Variants in DHRS4 observed in about 807,000 individuals in gnomAD.
DHRS4 encodes the protein dehydrogenase/reductase 4, also known as dehydrogenase/reductase SDR family member 4.
DHRS4 carries 20 observed loss-of-function variants against 28.4 expected under a neutral mutation model. That is an observed-to-expected ratio of 0.71 (90% confidence interval 0.50 to 1.02). The LOEUF (loss-of-function observed/expected upper bound fraction) is 1.02. Among genes scored for constraint, DHRS4 ranks in the 50% least tolerant of loss-of-function variants. The pLI, the probability that DHRS4 is intolerant of heterozygous loss-of-function variation, is 0.00. For synonymous variants in DHRS4, 144 were observed against 146.4 expected, an observed-to-expected ratio of 0.98 and a Z score of 0.12; for missense variants, 378 against 367.2, an observed-to-expected ratio of 1.03 and a Z score of -0.24.
rs1043442 is a variant in DHRS4, at chr14:23,953,879, G to A, written c.91G>A (p.Ala31Thr). ...CGGGATGACCCGCCGGGACCCGCTC[G>A]CAAATAAGGTGGCCCTGGTAACGGC... is the stretch of plus-strand genomic sequence containing the variant. ...SSGMTRRDPLANKVALVTAST... is the reference protein window; with the variant it reads ...SSGMTRRDPLTNKVALVTAST... Residue 31 changes from alanine to threonine, a missense_variant, in exon 1 of 8, where the codon GCA becomes ACA. Transcript: ENST00000313250. 3.1e-6 allele frequency: 5 copies of A among 1,610,874 alleles called. No homozygotes were observed. The highest frequency in any genetic ancestry group is 2.7e-5 in the African/African-American group (2 of 74,768).
Position 23,966,301 on chromosome 14 carries a change from G to A in DHRS4, c.550G>A (p.Val184Ile), listed in dbSNP as rs781542713. 2 of 1,613,850 alleles carry A rather than the reference G, an allele frequency of 1.2e-6. No homozygotes were observed. The highest frequency in any genetic ancestry group is 1.7e-6 in the Non-Finnish European group (2 of 1,179,962). Residue 184 changes from valine (V) to isoleucine (I), a missense_variant, in exon 6 of 8, where the codon GTC (valine) becomes ATC (isoleucine). By Grantham distance (29) the Val-to-Ile change is conservative. Transcript: ENST00000313250. ...TCTCCAGGGCTTCAGTCCTTACAAT[G>A]TCAGTAAAACAGCCTTGCTGGGCCT... ...SPSPGFSPYNVSKTALLGLTK... is the reference protein window; with the variant it reads ...SPSPGFSPYNISKTALLGLTK...
At chr14:23,959,070 T>G (rs2033293631) in intron 2 of DHRS4, among the ~76,000 whole-genome samples, 1 of 152,108 alleles carries the variant, frequency 6.6e-6, no homozygotes, top group African/African-American at 2.4e-5. Flanking sequence ...AATGGTAACT[T>G]ATTCAAGGAG....
intron 2 of DHRS4, among the ~76,000 whole-genome samples, chr14:23,956,599 C>CTTTTTT (rs1229716867): frequency 8.5e-6 from 1 of 116,972 alleles, no homozygotes. Context: ...CCTCCATATC[C>CTTTTTT]TTTTTTTTTT....
At chr14:23,967,176 A>T (rs1461570425) in intron 6 of DHRS4, 35 bp from the exon 7 acceptor site, 3 of 1,593,326 alleles carry the variant, frequency 1.9e-6, no homozygotes, top group Non-Finnish European at 2.6e-6. Flanking sequence ...GAAAAAGAAA[A>T]AAAAAACATA....
Position 23,955,155 on chromosome 14 carries a change from G to C in DHRS4, c.249G>C (p.Val83=). 1.9e-6 allele frequency: 3 copies of C among 1,613,920 alleles called. No individual in the cohort carries two copies. Among genetic ancestry groups the C allele is most frequent in the Admixed American group, 3.3e-5 (2 of 60,006 alleles). ...CGCTGCAGGGGGAGGGGCTGAGCGTGACGGGCACCGTGTGCCATGTGGGGA... is the reference window on the plus strand; with the variant it reads ...CGCTGCAGGGGGAGGGGCTGAGCGTCACGGGCACCGTGTGCCATGTGGGGA... ...VATLQGEGLS[V]TGTVCHVGKA... Residue 83 remains valine (V), a synonymous_variant, in exon 2 of 8, where the codon GTG becomes GTC. Coordinates refer to ENST00000313250, the MANE Select transcript of DHRS4 (RefSeq NM_021004.4).
intron 3 of DHRS4, among the ~76,000 whole-genome samples, chr14:23,960,482 T>TC (rs1456589410): frequency 2.0e-5 from 3 of 151,962 alleles, no homozygotes; most frequent in African/African-American, 4.8e-5. Context: ...ATAACATACA[T>TC]CCTTTAAAAA....
chr14:23,954,724 C>T (rs1356564179), intron 1 of DHRS4, among the ~76,000 whole-genome samples: 7 of 152,228 alleles, frequency 4.6e-5, no homozygotes, highest in Non-Finnish European at 7.3e-5. Flanking sequence ...GTGGCTGCTG[C>T]TGCAAACCCA....
At chr14:23,956,238 T>G (rs2033140680) in intron 2 of DHRS4, among the ~76,000 whole-genome samples, 1 of 152,198 alleles carries the variant, frequency 6.6e-6, no homozygotes. Context: ...GGGGCCTTGA[T>G]CCTGATGGTG....
In DHRS4 at chr14:23,968,837, TGGTGGTG is replaced by T; in HGVS notation, c.809_815del (p.Val270GlufsTer75). ...GCCAGCTACATCACTGGGGAAACAG[TGGTGGTG>T]GGTGGAGGAACCCCGTCCCGCCTCT... is the stretch of plus-strand genomic sequence containing the variant. On this transcript the variant is annotated frameshift_variant, in exon 8 of 8. Transcript: ENST00000313250. LOFTEE classifies it high-confidence loss of function. 1 of 1,610,364 alleles carries T rather than the reference TGGTGGTG, an allele frequency of 6.2e-7. No homozygotes were observed. The highest frequency in any genetic ancestry group is 8.5e-7 in the Non-Finnish European group (1 of 1,178,326).
chr14:23,956,599 CTTTTTTT>C (rs1229716867), intron 2 of DHRS4, among the ~76,000 whole-genome samples: 1 of 116,976 alleles, frequency 8.5e-6, no homozygotes, highest in African/African-American at 3.8e-5. Context: ...CCTCCATATC[CTTTTTTT>C]TTTTTTTTTT....
Position 23,965,965 on chromosome 14 carries a change from A to T in DHRS4, c.513A>T (p.Ala171=), listed in dbSNP as rs746165762. 9.7e-5 allele frequency: 157 copies of T among 1,610,272 alleles called. 1 individual carries two copies. Among genetic ancestry groups the T allele is most frequent in the Middle Eastern group, 1.7e-4 (1 of 6,044 alleles). The part of the protein sequence containing the change: ...GGSVVIVSSI[A]AFSPSPGFSP... ...CAGTGGTGATCGTGTCTTCCATAGC[A>T]GCCTTCAGTCCATCTCCTGTAAGAA... The change falls in exon 5 of 8, where the codon GCA becomes GCT. Residue 171 remains alanine, a synonymous_variant. Coordinates refer to ENST00000313250, the MANE Select transcript of DHRS4 (RefSeq NM_021004.4).
intron 2 of DHRS4, among the ~76,000 whole-genome samples, chr14:23,955,770 G>A (rs964775998): frequency 7.9e-5 from 12 of 152,214 alleles, no homozygotes; most frequent in Non-Finnish European, 1.6e-4. Flanking sequence ...GACCTCCCAG[G>A]CTCCCTTCCT....
intron 2 of DHRS4, among the ~76,000 whole-genome samples, chr14:23,958,618 G>C (rs557778210): frequency 1.6e-4 from 24 of 152,320 alleles, no homozygotes; most frequent in Non-Finnish European, 2.8e-4. Flanking sequence ...AAAAGAGAGA[G>C]ACAGAGACAG....
chr14:23,958,837 C>T (rs1177958466), intron 2 of DHRS4, among the ~76,000 whole-genome samples: 1 of 152,156 alleles, frequency 6.6e-6, no homozygotes, highest in Non-Finnish European at 1.5e-5. Context: ...ATCACTTCAC[C>T]CCTCCCAAAC....
chr14:23,962,453 A>G (rs1430501597), intron 3 of DHRS4, among the ~76,000 whole-genome samples: 9 of 151,294 alleles, frequency 5.9e-5, no homozygotes, highest in Middle Eastern at 3.4e-3. Context: ...TTTCAACAAT[A>G]TTCATGGCAT....
chr14:23,967,448 T>C, intron 7 of DHRS4, 182 bp downstream of exon 7: 1 of 1,137,752 alleles, frequency 8.8e-7, no homozygotes, highest in Non-Finnish European at 1.3e-6. Flanking sequence ...CAGCTTCCCT[T>C]TCAAAAGGTA....
intron 2 of DHRS4, among the ~76,000 whole-genome samples, chr14:23,958,694 G>C (rs889995934): frequency 6.6e-6 from 1 of 152,116 alleles, no homozygotes; most frequent in African/African-American, 2.4e-5. Flanking sequence ...CTCCCATCAC[G>C]GCTCTCCTGG....
intron 1 of DHRS4, among the ~76,000 whole-genome samples, chr14:23,954,373 A>G (rs8010151): frequency 0.19 from 28,794 of 152,082 alleles, 6,546 homozygotes; most frequent in African/African-American, 0.55. Context: ...CCAGAGCCAT[A>G]TGTCGAGATT....
intron 4 of DHRS4, 46 bp from the exon 5 acceptor site, chr14:23,965,886 G>A (rs372007865): frequency 6.2e-7 from 1 of 1,606,704 alleles, no homozygotes; most frequent in East Asian, 2.3e-5. Context: ...CGGGCTGAGG[G>A]CACTGGTCCA....
Sources: allele counts gnomAD v4.1 joint callset (sites outside exome capture counted in the v4.1 genomes callset), GRCh38; gene constraint gnomAD v4.1.1; transcripts MANE v1.5; gene names NCBI Gene and HGNC (gene_info 2026-07-23, HGNC 2026-07-21).